RBFOX1: variants seen among roughly 807,000 people sequenced by gnomAD.
The protein encoded by RBFOX1 is RNA binding fox-1 homolog 1.
A neutral mutation model predicts 57.7 loss-of-function variants in RBFOX1; 8 were observed. The observed-to-expected ratio is 0.14, with a 90% confidence interval of 0.08 to 0.25. RBFOX1 has a LOEUF of 0.25. Among genes scored for constraint, RBFOX1 ranks in the 10% least tolerant of loss-of-function variants. The pLI, the probability that RBFOX1 is intolerant of heterozygous loss-of-function variation, is 1.00. For synonymous variants in RBFOX1, 326 were observed against 222.4 expected (o/e 1.47, Z -4.15); for missense variants, 611 against 548.5 (o/e 1.11, Z -1.14).
intron 4 of RBFOX1, among the ~76,000 whole-genome samples, chr16:7,174,747 T>C (rs1408329833): frequency 1.3e-5 from 2 of 152,158 alleles, no homozygotes; most frequent in Non-Finnish European, 2.9e-5. Context: ...GCCATTGCAC[T>C]CCAGACTGGG....
chr16:5,359,644 A>G (rs932077340), intron 1 of RBFOX1, among the ~76,000 whole-genome samples: 1 of 152,006 alleles, frequency 6.6e-6, no homozygotes, highest in African/African-American at 2.4e-5. Flanking sequence ...TCTTTTGCCT[A>G]TTTTTTTGAT....
intron 2 of RBFOX1, among the ~76,000 whole-genome samples, chr16:6,369,972 A>C (rs1023613988): frequency 6.6e-6 from 1 of 152,154 alleles, no homozygotes; most frequent in Non-Finnish European, 1.5e-5. Flanking sequence ...TCCATCATGC[A>C]TTTCATTTAG....
At chr16:6,729,058 C>T (rs1363431985) in intron 3 of RBFOX1, among the ~76,000 whole-genome samples, 1 of 152,156 alleles carries the variant, frequency 6.6e-6, no homozygotes, top group African/African-American at 2.4e-5. Context: ...TCCTGTTTCT[C>T]ACATATTCCC....
At chr16:5,330,059 G>A (rs1282197460) in intron 1 of RBFOX1, among the ~76,000 whole-genome samples, 1 of 151,938 alleles carries the variant, frequency 6.6e-6, no homozygotes, top group Non-Finnish European at 1.5e-5. Context: ...TGGTACAAGG[G>A]ACCCGTGAAC....
chr16:5,641,374 A>T (rs752283067), intron 3 of RBFOX1, among the ~76,000 whole-genome samples: 1 of 152,202 alleles, frequency 6.6e-6, no homozygotes, highest in East Asian at 1.9e-4. Context: ...CTACATACAC[A>T]AGTAGATACC....
rs186859882 is a variant in RBFOX1, at chr16:6,577,605, G to A, written c.-63-76998G>A. Among the ~76,000 whole-genome samples the A allele has an allele frequency of 3.3e-5, 5 of 152,304 alleles. No homozygotes were observed. The East Asian group carries it at 9.7e-4, about 29-fold the overall frequency. On this transcript the variant is annotated intron_variant, in intron 2 of 15. Coordinates refer to ENST00000550418, the MANE Select transcript of RBFOX1 (RefSeq NM_018723.4). The stretch of plus-strand genomic sequence containing the variant: ...ACTCTACAGAGAAGCTCTTCTGCAT[G>A]TATTGGCTCATCATTCCCAGTGGTT...
At chr16:5,874,877 T>G (rs2057565260) in intron 4 of RBFOX1, among the ~76,000 whole-genome samples, 1 of 152,050 alleles carries the variant, frequency 6.6e-6, no homozygotes, top group Non-Finnish European at 1.5e-5. Flanking sequence ...ACCCAGGAGT[T>G]TGAGGCTGCA....
At chr16:6,352,777 G>A (rs1342487041) in intron 2 of RBFOX1, among the ~76,000 whole-genome samples, 4 of 152,178 alleles carry the variant, frequency 2.6e-5, no homozygotes, top group African/African-American at 9.7e-5. Flanking sequence ...AAGTTACTGC[G>A]ACGCTGCCTT....
At chr16:7,058,136 C>G (rs947272224) in intron 4 of RBFOX1, among the ~76,000 whole-genome samples, 3 of 151,956 alleles carry the variant, frequency 2.0e-5, no homozygotes, top group African/African-American at 7.2e-5. Context: ...CTGTATTTCT[C>G]AAAATATAGG....
At chr16:6,501,831 CT>C in intron 2 of RBFOX1, among the ~76,000 whole-genome samples, 1 of 53,916 alleles carries the variant, frequency 1.9e-5, no homozygotes, top group Admixed American at 2.3e-4. Flanking sequence ...GGGGGAAATT[CT>C]TCTTGGTTTT....
In RBFOX1 at chr16:7,550,257, T is replaced by A. The variant is rs539702436; in HGVS notation, c.271-29520T>A. Among the ~76,000 whole-genome samples, 842 of 152,240 alleles carry A rather than the reference T, an allele frequency of 5.5e-3. 4 individuals are homozygous for A. Among genetic ancestry groups the A allele is most frequent in the Non-Finnish European group, 9.9e-3 (672 of 68,004 alleles). ...GAGTGAGTTCCTCCAGAGTCTTTTT[T>A]TTTTTTGGCTGGGCTGGGAAATACC... On this transcript the variant is annotated intron_variant, in intron 5 of 15. Coordinates refer to ENST00000550418, the MANE Select transcript of RBFOX1 (RefSeq NM_018723.4).
intron 4 of RBFOX1, among the ~76,000 whole-genome samples, chr16:7,158,283 T>TTGCAG (rs1250600689): frequency 6.6e-6 from 1 of 151,904 alleles, no homozygotes; most frequent in Non-Finnish European, 1.5e-5. Context: ...AAGGCGGAGG[T>TTGCAG]TGCAGTGAGC....
At chr16:6,274,861 T>C (rs1051400498) in intron 1 of RBFOX1, among the ~76,000 whole-genome samples, 1 of 152,222 alleles carries the variant, frequency 6.6e-6, no homozygotes, top group African/African-American at 2.4e-5. Context: ...ACATAGGCTG[T>C]TCTTTTTAAG....
chr16:7,395,980 A>G (rs1007227422), intron 4 of RBFOX1, among the ~76,000 whole-genome samples: 2 of 152,180 alleles, frequency 1.3e-5, no homozygotes, highest in African/African-American at 2.4e-5. Context: ...GGGAGCATCT[A>G]TCGGCAGGGC....
intron 9 of RBFOX1, among the ~76,000 whole-genome samples, chr16:7,604,953 A>G (rs1175752056): frequency 1.3e-5 from 2 of 152,200 alleles, no homozygotes; most frequent in Admixed American, 1.3e-4. Context: ...GAGATGGGTA[A>G]CAGTGGAAAG....
intron 4 of RBFOX1, among the ~76,000 whole-genome samples, chr16:7,459,640 A>T (rs1377375904): frequency 6.6e-6 from 1 of 152,204 alleles, no homozygotes; most frequent in Admixed American, 6.5e-5. Context: ...ATATTCTACT[A>T]TGCTGTGTCT....
intron 3 of RBFOX1, chr16:6,705,354 G>A (rs1247498867): frequency 6.6e-6 from 1 of 152,242 alleles, no homozygotes; most frequent in Non-Finnish European, 1.5e-5. Flanking sequence ...GATGGGGGTT[G>A]GCATCAGAAT....
At chr16:5,551,814 T>A (rs1262151109) in intron 2 of RBFOX1, among the ~76,000 whole-genome samples, 1 of 142,036 alleles carries the variant, frequency 7.0e-6, no homozygotes, top group Non-Finnish European at 1.5e-5. Context: ...CGACAGGTGC[T>A]GGTGTGTGAT....
chr16:5,301,843 G>A (rs1032768194), intron 1 of RBFOX1, among the ~76,000 whole-genome samples: 3 of 151,772 alleles, frequency 2.0e-5, no homozygotes, highest in Non-Finnish European at 2.9e-5. Context: ...GTAATTTGTT[G>A]TACAGGTATA....
Sources: allele counts gnomAD v4.1 joint callset (sites outside exome capture counted in the v4.1 genomes callset), GRCh38; gene constraint gnomAD v4.1.1; transcripts MANE v1.5; gene names NCBI Gene and HGNC (gene_info 2026-07-23, HGNC 2026-07-21).